Variants in SGCD observed in about 807,000 individuals in gnomAD.
The protein encoded by SGCD is delta-sarcoglycan.
Under a neutral mutation model 36.6 loss-of-function variants are expected in SGCD, and 18 were observed. The ratio of observed to expected loss-of-function variants is 0.49; its 90% CI spans 0.34 to 0.73. The LOEUF (loss-of-function observed/expected upper bound fraction) is 0.73, where lower values mean the gene tolerates loss of function less well. SGCD is among the 30% of genes least tolerant of loss of function. The probability of loss-of-function intolerance (pLI) is 0.01; values close to 1 mark genes in which losing one functional copy is unlikely to be tolerated. For synonymous variants in SGCD, 133 were observed against 130.6 expected (o/e 1.02, Z -0.12); for missense variants, 387 against 346.7 (o/e 1.12, Z -0.92).
chr5:155,770,009 A>T, the SGCD span, among the ~76,000 whole-genome samples: 2 of 151,838 alleles, frequency 1.3e-5, no homozygotes, highest in African/African-American at 4.8e-5. Context: ...CTACTATGCA[A>T]ACTCTTAAGG....
rs1198013985 is a variant in SGCD, at chr5:156,764,581, A to C, written c.*5191A>C. 3 of 152,652 alleles carry C rather than the reference A, an allele frequency of 2.0e-5. No homozygotes were observed. Among genetic ancestry groups the C allele is most frequent in the Non-Finnish European group, 4.4e-5 (3 of 68,020 alleles). 9.5% of individuals were successfully genotyped at this position (152,652 alleles called of 1,614,324 possible). Reference sequence around the variant, plus strand: ...GGAGGTCCTCCTTTTGAGTATTGTTAGAGCATACATGTAAAAGAAAATAAC... The same window carrying C: ...GGAGGTCCTCCTTTTGAGTATTGTTCGAGCATACATGTAAAAGAAAATAAC... On this transcript the variant is annotated 3_prime_UTR_variant, in exon 9 of 9. Transcript: ENST00000337851.
chr5:155,737,141 T>A, the SGCD span, among the ~76,000 whole-genome samples: 1 of 152,206 alleles, frequency 6.6e-6, no homozygotes, highest in African/African-American at 2.4e-5. Flanking sequence ...GGTAATATTG[T>A]CTCCAATTTA....
intron 3 of SGCD, among the ~76,000 whole-genome samples, chr5:156,211,472 G>A (rs551135737): frequency 3.3e-5 from 5 of 152,196 alleles, no homozygotes; most frequent in Non-Finnish European, 7.4e-5. Context: ...GCTGGGCGTG[G>A]TGGCGGGCGC....
At position 156,129,375 on chromosome 5, in the gene SGCD, C is replaced by T. The variant is rs568590877; in HGVS notation, c.-44+5356C>T. On this transcript the variant is annotated intron_variant, in intron 3 of 9. Coordinates refer to the SGCD transcript ENST00000517913. ...GTTAAGCAATTTGCTCCAAATCATA[C>T]GGCTTGGTCACAGAAGCTGAATTCA... 3.3e-5 allele frequency among the ~76,000 whole-genome samples: 5 copies of T among 152,280 alleles called. No individual in the cohort carries two copies. The South Asian group carries it at 6.2e-4, about 19-fold the overall frequency.
chr5:156,356,672 C>T (rs994538020), intron 3 of SGCD, among the ~76,000 whole-genome samples: 5 of 152,042 alleles, frequency 3.3e-5, no homozygotes, highest in East Asian at 1.9e-4. Flanking sequence ...TTGAATAGTG[C>T]CCCCCTACAT....
At chr5:156,075,598 T>C (rs748428269) in intron 1 of SGCD, among the ~76,000 whole-genome samples, 7 of 152,200 alleles carry the variant, frequency 4.6e-5, no homozygotes, top group Non-Finnish European at 1.0e-4. Flanking sequence ...TCTATTGATA[T>C]TTTATAATGG....
At chr5:156,609,833 G>A (rs918036608) in intron 6 of SGCD, among the ~76,000 whole-genome samples, 8 of 151,958 alleles carry the variant, frequency 5.3e-5, no homozygotes, top group South Asian at 2.1e-4. Context: ...CCAGTTGATC[G>A]AATCGGCTCC....
At chr5:156,239,224 A>G (rs952673577) in intron 3 of SGCD, among the ~76,000 whole-genome samples, 2 of 151,902 alleles carry the variant, frequency 1.3e-5, no homozygotes, top group African/African-American at 4.8e-5. Flanking sequence ...ACATGGCGAA[A>G]CCCCATCTCT....
intron 1 of SGCD, among the ~76,000 whole-genome samples, chr5:156,034,999 T>G (rs949999239): frequency 3.9e-5 from 6 of 152,214 alleles, no homozygotes; most frequent in African/African-American, 1.4e-4. Flanking sequence ...TTGGCAATTT[T>G]TATAATACAT....
At position 156,244,030 on chromosome 5, in the gene SGCD, G is replaced by T. The variant is rs747129411; in HGVS notation, c.-43-85504G>T. ...TAAAGAGTCACATGACAGTGAAGAA[G>T]CCCTGCAGAAACTCCCCTAATTAAG... On this transcript the variant is annotated intron_variant, in intron 3 of 9. Coordinates refer to the SGCD transcript ENST00000517913. Among the ~76,000 whole-genome samples, 3 of 152,140 alleles carry T rather than the reference G, an allele frequency of 2.0e-5. No individual in the cohort carries two copies. The South Asian group carries it at 6.2e-4, about 31-fold the overall frequency.
At chr5:156,481,017 T>C (rs1755401479) in intron 3 of SGCD, among the ~76,000 whole-genome samples, 1 of 152,218 alleles carries the variant, frequency 6.6e-6, no homozygotes, top group Non-Finnish European at 1.5e-5. Context: ...TATCACAGTT[T>C]TGAACATATT....
intron 3 of SGCD, among the ~76,000 whole-genome samples, chr5:156,182,578 T>C (rs902600720): frequency 1.3e-5 from 2 of 152,082 alleles, no homozygotes; most frequent in Admixed American, 1.3e-4. Context: ...GCCTGGGTGA[T>C]AGAGTGAGGC....
chr5:155,878,684 A>C (rs1457957695), intron 1 of SGCD, among the ~76,000 whole-genome samples: 2 of 152,084 alleles, frequency 1.3e-5, no homozygotes, highest in Non-Finnish European at 2.9e-5. Context: ...AAAGGGAGAA[A>C]TGACTGTTAG....
the SGCD span, among the ~76,000 whole-genome samples, chr5:155,810,655 T>A: frequency 6.6e-6 from 1 of 152,102 alleles, no homozygotes; most frequent in African/African-American, 2.4e-5. Flanking sequence ...AAATCTTTTA[T>A]GAGAAAACAT....
At chr5:156,261,619 T>G (rs1479583021) in intron 3 of SGCD, among the ~76,000 whole-genome samples, 1 of 152,190 alleles carries the variant, frequency 6.6e-6, no homozygotes, top group Non-Finnish European at 1.5e-5. Context: ...GTGTACTCTT[T>G]CTATTTATAT....
At chr5:156,504,885 T>A (rs968221809) in intron 3 of SGCD, among the ~76,000 whole-genome samples, 3 of 152,214 alleles carry the variant, frequency 2.0e-5, no homozygotes, top group African/African-American at 7.2e-5. Flanking sequence ...ATCTTTTATT[T>A]AAGAATGTTT....
the SGCD span, among the ~76,000 whole-genome samples, chr5:155,841,010 C>CA: frequency 0.049 from 2,983 of 61,060 alleles, 222 homozygotes; most frequent in East Asian, 0.13. Flanking sequence ...GACTCCATCT[C>CA]AAAAAAAAAA....
intron 1 of SGCD, among the ~76,000 whole-genome samples, chr5:155,977,490 T>A (rs1758141021): frequency 6.6e-6 from 1 of 152,188 alleles, no homozygotes; most frequent in African/African-American, 2.4e-5. Flanking sequence ...CATGGAATGG[T>A]GTTTAATAAA....
chr5:156,511,947 A>G (rs1420402988), intron 4 of SGCD, among the ~76,000 whole-genome samples: 1 of 152,118 alleles, frequency 6.6e-6, no homozygotes, highest in South Asian at 2.1e-4. Flanking sequence ...TGTAATCCCA[A>G]CACTTTGGAA....
Sources: gnomAD v4.1 joint callset for allele counts (sites outside exome capture counted in the v4.1 genomes callset) on GRCh38, gnomAD v4.1.1 for gene constraint, MANE v1.5 for transcripts, NCBI Gene and HGNC (gene_info 2026-07-23, HGNC 2026-07-21) for gene names.